PLOD1: variants seen among roughly 807,000 people sequenced by gnomAD.
PLOD1 encodes the protein procollagen-lysine,2-oxoglutarate 5-dioxygenase 1.
PLOD1 carries 70 observed loss-of-function variants against 94.7 expected under a neutral mutation model. The ratio of observed to expected loss-of-function variants is 0.74; its 90% confidence interval spans 0.61 to 0.90. PLOD1 has a LOEUF of 0.90. Among genes scored for constraint, PLOD1 ranks in the 40% least tolerant of loss-of-function variants. PLOD1 has a pLI of 0.00. For synonymous variants in PLOD1, 417 were observed against 400.2 expected, an observed-to-expected ratio of 1.04 and a Z score of -0.50; for missense variants, 905 against 972.7, an observed-to-expected ratio of 0.93 and a Z score of 0.93.
chr1:11,949,446 G>A (rs1645681511), intron 2 of PLOD1, among the ~76,000 whole-genome samples: 1 of 152,066 alleles, frequency 6.6e-6, no homozygotes, highest in Non-Finnish European at 1.5e-5. Flanking sequence ...TTGAGACGGA[G>A]TGTTGCTCTG....
intron 4 of PLOD1, among the ~76,000 whole-genome samples, chr1:11,952,323 C>T (rs1239621532): frequency 6.6e-6 from 1 of 152,238 alleles, no homozygotes; most frequent in Non-Finnish European, 1.5e-5. Flanking sequence ...CCAGGGGCTC[C>T]TCGTACAATC....
intron 6 of PLOD1, 60 bp downstream of exon 6, chr1:11,954,953 C>A: frequency 1.5e-6 from 2 of 1,325,836 alleles, no homozygotes; most frequent in Non-Finnish European, 2.2e-6. Context: ...GAATTCCAGG[C>A]AGGGCCCGAG....
chr1:11,935,385 G>C (rs1375232263), intron 1 of PLOD1, among the ~76,000 whole-genome samples: 1 of 152,174 alleles, frequency 6.6e-6, no homozygotes, highest in Non-Finnish European at 1.5e-5. Flanking sequence ...GGGAGGAATG[G>C]GGGTAGAAGG....
At position 11,972,729 on chromosome 1, in the gene PLOD1, G is replaced by A. The variant is rs190500830; in HGVS notation, c.1903-143G>A. The A allele has an allele frequency of 1.8e-3, 1,462 of 815,888 alleles. 1 individual carries two copies. Among genetic ancestry groups the A allele is most frequent in the Non-Finnish European group, 2.4e-3 (1,119 of 474,346 alleles). 50.5% of individuals were successfully genotyped at this position (815,888 alleles called of 1,614,324 possible). A position where few individuals can be genotyped will look rare whatever the true frequency, so the allele number is the denominator to read the frequency against. Reference sequence around the variant, plus strand: ...CTGTGCCAGGTAGTTGCAGGCACTCGAGCATAGAGCCCCATGTAGACCTGG... The same window carrying A: ...CTGTGCCAGGTAGTTGCAGGCACTCAAGCATAGAGCCCCATGTAGACCTGG... On this transcript the variant is annotated intron_variant, in intron 17 of 18. Transcript: ENST00000196061. This position sits in a 1 kb window ranked among gnomAD's most constrained non-coding sequence, Gnocchi z 4.6.
At chr1:11,971,161 A>T (rs1222288155) in intron 17 of PLOD1, among the ~76,000 whole-genome samples, 2 of 84,822 alleles carry the variant, frequency 2.4e-5, no homozygotes, top group South Asian at 5.7e-4. Flanking sequence ...AAGGGGCAGG[A>T]GTTGGTGGGG....
intron 17 of PLOD1, 121 bp downstream of exon 17, chr1:11,970,937 G>C: frequency 1.5e-6 from 1 of 664,346 alleles, no homozygotes; most frequent in South Asian, 1.6e-5. Flanking sequence ...GAGGTGGAGT[G>C]AGGGTGTGGG....
intron 1 of PLOD1, among the ~76,000 whole-genome samples, chr1:11,939,753 G>A (rs1421003978): frequency 1.3e-5 from 2 of 151,880 alleles, no homozygotes; most frequent in East Asian, 1.9e-4. Context: ...GATTACAGGC[G>A]CCCACCATCA....
intron 1 of PLOD1, among the ~76,000 whole-genome samples, chr1:11,945,695 CTTTATTTTTA>C (rs1430495834): frequency 6.6e-6 from 1 of 152,048 alleles, no homozygotes; most frequent in African/African-American, 2.4e-5. Context: ...AGTAATACCT[CTTTATTTTTA>C]TTTATTTTTA....
intron 15 of PLOD1, among the ~76,000 whole-genome samples, chr1:11,966,624 G>T (rs1172380175): frequency 6.6e-6 from 1 of 152,112 alleles, no homozygotes; most frequent in Non-Finnish European, 1.5e-5. Flanking sequence ...AGGCAGGAAG[G>T]AGGAAAACAT....
intron 16 of PLOD1, among the ~76,000 whole-genome samples, chr1:11,970,258 C>A (rs1645851783): frequency 6.6e-6 from 1 of 151,792 alleles, no homozygotes; most frequent in Non-Finnish European, 1.5e-5. Flanking sequence ...CACACACACA[C>A]AAAAATAAAA....
intron 1 of PLOD1, among the ~76,000 whole-genome samples, chr1:11,945,237 T>C (rs1645642533): frequency 6.6e-6 from 1 of 151,966 alleles, no homozygotes; most frequent in Non-Finnish European, 1.5e-5. Context: ...CTGAGTAACA[T>C]GGTGAAACCT....
At chr1:11,940,434 C>G (rs957964657) in intron 1 of PLOD1, among the ~76,000 whole-genome samples, 1 of 152,196 alleles carries the variant, frequency 6.6e-6, no homozygotes, top group Non-Finnish European at 1.5e-5. Context: ...AGAACCCCCC[C>G]GCAGCTACCA....
intron 10 of PLOD1, among the ~76,000 whole-genome samples, chr1:11,962,370 A>AGGG (rs1645784533): frequency 1.5e-5 from 2 of 131,204 alleles, no homozygotes; most frequent in Non-Finnish European, 3.1e-5. Flanking sequence ...TCTGCCTCCC[A>AGGG]CGTTCACGCC....
intron 17 of PLOD1, 54 bp downstream of exon 17, chr1:11,970,870 G>A (rs1645858227): frequency 1.3e-6 from 2 of 1,545,730 alleles, no homozygotes; most frequent in Non-Finnish European, 1.8e-6. Context: ...TGGGGTGTCA[G>A]TGGAGTGGCT....
chr1:11,969,808 C>T (rs898345797), intron 16 of PLOD1, among the ~76,000 whole-genome samples: 3 of 152,202 alleles, frequency 2.0e-5, no homozygotes, highest in Admixed American at 1.3e-4. Flanking sequence ...CAGAATCTCT[C>T]TTCAGTATCC....
intron 1 of PLOD1, among the ~76,000 whole-genome samples, chr1:11,947,025 T>A (rs868553877): frequency 6.6e-6 from 1 of 152,054 alleles, no homozygotes; most frequent in African/African-American, 2.4e-5. Flanking sequence ...TCCTGGCACT[T>A]TGGGAGGCCA....
At chr1:11,970,897 G>C in intron 17 of PLOD1, 81 bp downstream of exon 17, 1 of 1,385,622 alleles carries the variant, frequency 7.2e-7, no homozygotes, top group Admixed American at 1.9e-5. Flanking sequence ...GGTGGGGGTA[G>C]GGTGGGAGGT....
intron 16 of PLOD1, among the ~76,000 whole-genome samples, chr1:11,969,231 C>T (rs1229629331): frequency 6.6e-6 from 1 of 151,996 alleles, no homozygotes; most frequent in African/African-American, 2.4e-5. Flanking sequence ...TCCGGTGATC[C>T]ACCCACCTTG....
At position 11,963,599 on chromosome 1, in the gene PLOD1, G is replaced by A. The variant is rs373520363; in HGVS notation, c.1165G>A (p.Glu389Lys). 9 of 1,602,354 alleles carry A rather than the reference G, an allele frequency of 5.6e-6. No homozygotes were observed. The East Asian group carries it at 6.7e-5, about 12-fold the overall frequency. Residue 389 changes from glutamate (E) to lysine (K), a missense_variant, in exon 11 of 19, where the codon GAG becomes AAG. Glu to Lys is a moderately conservative substitution (Grantham distance 56). Coordinates refer to ENST00000196061, the MANE Select transcript of PLOD1 (RefSeq NM_000302.4). This position sits in a 1 kb window ranked among gnomAD's most constrained non-coding sequence, Gnocchi z 4.3. Reference protein sequence around the residue: ...FSVDADVALTEPNSLRLLIQQ... With the variant: ...FSVDADVALTKPNSLRLLIQQ... ...CGTGGATGCTGACGTGGCCCTGACC[G>A]AGCCCAACAGCCTGCGGCTGCTGAT...
Sources: gnomAD v4.1 joint callset for allele counts (sites outside exome capture counted in the v4.1 genomes callset) on GRCh38, gnomAD v4.1.1 for gene constraint, Gnocchi (gnomAD v3.1) non-coding constraint, MANE v1.5 for transcripts, NCBI Gene and HGNC (gene_info 2026-07-23, HGNC 2026-07-21) for gene names.